XIRP2: variants seen among roughly 807,000 people sequenced by gnomAD.
The protein encoded by XIRP2 is xin actin binding repeat containing 2.
XIRP2 carries 236 observed loss-of-function variants against 277.0 expected under a neutral mutation model. The observed-to-expected ratio is 0.85, with a 90% confidence interval of 0.77 to 0.95. The LOEUF (loss-of-function observed/expected upper bound fraction) is 0.95. XIRP2 is among the 40% of genes least tolerant of loss of function. The probability of loss-of-function intolerance (pLI) is 0.00; values close to 1 mark genes in which losing one functional copy is unlikely to be tolerated. For missense variants in XIRP2, 4,640 were observed against 4,157.5 expected (o/e 1.12, Z -3.19); for synonymous variants, 1,490 against 1,416.5 (o/e 1.05, Z -1.17).
chr2:167,137,232 G>A lies in XIRP2; in HGVS notation c.562+1170G>A, dbSNP rs73015963. On this transcript the variant is annotated intron_variant, in intron 3 of 10. Transcript: ENST00000409195. ...AGGGGAGTTTGCTAATGATGGACTGGGCATGGATTTCTAAATACATGTAAA... is the reference window on the plus strand; with the variant it reads ...AGGGGAGTTTGCTAATGATGGACTGAGCATGGATTTCTAAATACATGTAAA... 4.1e-3 allele frequency among the ~76,000 whole-genome samples: 629 copies of A among 152,146 alleles called. 5 individuals carry two copies. Among genetic ancestry groups the A allele is most frequent in the African/African-American group, 0.015 (612 of 41,514 alleles).
At chr2:167,237,332 T>C (rs964838401) in intron 5 of XIRP2, among the ~76,000 whole-genome samples, 4 of 152,188 alleles carry the variant, frequency 2.6e-5, no homozygotes, top group Non-Finnish European at 5.9e-5. Flanking sequence ...ATATTTTGCA[T>C]TTTTCTCAAC....
chr2:166,951,102 C>T (rs180711563), intron 2 of XIRP2, among the ~76,000 whole-genome samples: 2 of 152,008 alleles, frequency 1.3e-5, no homozygotes, highest in Admixed American at 1.3e-4. Flanking sequence ...TGGAAGGTAA[C>T]CAAGAATTGC....
In XIRP2 at chr2:167,251,828, A is replaced by T. The variant is rs201983151; in HGVS notation, c.10436A>T (p.Asn3479Ile). Reference sequence around the variant, plus strand: ...GATTCACCTAAAGAAGTAAGAAAAAATTTTCAAAAGACGTGGCAAGAGAGT... The same window carrying T: ...GATTCACCTAAAGAAGTAAGAAAAATTTTTCAAAAGACGTGGCAAGAGAGT... ...ISDSPKEVRK[N>I]FQKTWQESGR... Residue 3479 changes from asparagine to isoleucine, a missense_variant, in exon 9 of 11, where the codon AAT becomes ATT. Physicochemically the swap from Asn to Ile is moderately radical, Grantham distance 149. Coordinates refer to ENST00000409195, the MANE Select transcript of XIRP2 (RefSeq NM_152381.6). 1.2e-6 allele frequency: 2 copies of T among 1,613,172 alleles called. No individual in the cohort carries two copies. The highest frequency in any genetic ancestry group is 2.2e-5 in the East Asian group (1 of 44,846).
At chr2:166,995,413 G>A (rs532322377) in intron 2 of XIRP2, among the ~76,000 whole-genome samples, 40 of 152,264 alleles carry the variant, frequency 2.6e-4, no homozygotes, top group Middle Eastern at 3.4e-3. Context: ...AAGGTTCCAC[G>A]GAGAATTCTT....
At chr2:167,067,579 T>C (rs1374325489) in intron 2 of XIRP2, among the ~76,000 whole-genome samples, 1 of 152,208 alleles carries the variant, frequency 6.6e-6, no homozygotes, top group Non-Finnish European at 1.5e-5. Context: ...CACCATACTG[T>C]CAGCTATTTT....
In XIRP2 at chr2:167,010,390, C is replaced by T. The variant is rs1314045021; in HGVS notation, c.408+106500C>T. On this transcript the variant is annotated intron_variant, in intron 2 of 10. Coordinates refer to ENST00000409195, the MANE Select transcript of XIRP2 (RefSeq NM_152381.6). ...AGATCAGATAGTTGTAGATATGTGG[C>T]GTTATTTCTGAGGGCTCTGTTCTGT... Among the ~76,000 whole-genome samples the T allele has an allele frequency of 1.7e-4, 26 of 151,430 alleles. No homozygotes were observed. In the East Asian group the frequency reaches 3.1e-3, roughly 18 times the overall value.
intron 2 of XIRP2, among the ~76,000 whole-genome samples, chr2:167,098,964 G>C (rs957912624): frequency 6.6e-6 from 1 of 152,164 alleles, no homozygotes; most frequent in Admixed American, 6.5e-5. Context: ...GAGCTCTCCT[G>C]TATGAGGTGT....
intron 5 of XIRP2, among the ~76,000 whole-genome samples, chr2:167,223,732 C>T (rs752976215): frequency 1.3e-5 from 2 of 152,168 alleles, no homozygotes; most frequent in Non-Finnish European, 2.9e-5. Context: ...CCCAACCTAA[C>T]CTAGATCTCT....
intron 2 of XIRP2, among the ~76,000 whole-genome samples, chr2:167,018,941 C>G (rs189325884): frequency 6.6e-6 from 1 of 151,908 alleles, no homozygotes; most frequent in Non-Finnish European, 1.5e-5. Flanking sequence ...ACCTGGAAGG[C>G]AGGGATTTTT....
intron 2 of XIRP2, among the ~76,000 whole-genome samples, chr2:167,005,302 A>G (rs1687477761): frequency 6.6e-6 from 1 of 151,900 alleles, no homozygotes; most frequent in Admixed American, 6.6e-5. Context: ...ATATTAGCCT[A>G]GGACATCTTT....
At chr2:166,970,429 C>T (rs1686549295) in intron 2 of XIRP2, among the ~76,000 whole-genome samples, 1 of 151,650 alleles carries the variant, frequency 6.6e-6, no homozygotes. Flanking sequence ...TTTGCTTTTC[C>T]CAGTTGAATG....
chr2:167,072,636 T>A (rs910577901), intron 2 of XIRP2, among the ~76,000 whole-genome samples: 6 of 152,176 alleles, frequency 3.9e-5, no homozygotes, highest in African/African-American at 7.2e-5. Flanking sequence ...ATTTGAACTC[T>A]ATGTTCTCTC....
chr2:167,050,732 A>G (rs538754503), intron 2 of XIRP2, among the ~76,000 whole-genome samples: 1 of 152,146 alleles, frequency 6.6e-6, no homozygotes, highest in East Asian at 1.9e-4. Flanking sequence ...AGAGGAGGAA[A>G]CAGAAAATGG....
At chr2:166,979,369 C>CTT (rs66909002) in intron 2 of XIRP2, among the ~76,000 whole-genome samples, 287 of 108,516 alleles carry the variant, frequency 2.6e-3, no homozygotes, top group African/African-American at 9.0e-3. Flanking sequence ...CTTTTCTTTT[C>CTT]TTTTTTTTTT....
chr2:167,174,959 T>A (rs1196005141), intron 3 of XIRP2, among the ~76,000 whole-genome samples: 1 of 152,196 alleles, frequency 6.6e-6, no homozygotes, highest in African/African-American at 2.4e-5. Flanking sequence ...CTGTTTGTTA[T>A]GATTTCCATT....
At chr2:166,939,704 AAC>A (rs1479717679) in intron 2 of XIRP2, among the ~76,000 whole-genome samples, 3 of 150,254 alleles carry the variant, frequency 2.0e-5, no homozygotes, top group East Asian at 1.9e-4. Context: ...AAAAACAAAA[AAC>A]AAAAACAAAA....
chr2:167,240,003 C>G lies in XIRP2; in HGVS notation c.969+38C>G, dbSNP rs762048225. The G allele has an allele frequency of 1.4e-5, 21 of 1,525,894 alleles. No individual in the cohort carries two copies. In the South Asian group the frequency reaches 2.1e-4, roughly 16 times the overall value. The allele number at this position is 1,525,894 out of a possible 1,614,324, so 94.5% of individuals were successfully genotyped here. The stretch of plus-strand genomic sequence containing the variant: ...AAAGGCAGTACTTTCAAACAGTTTC[C>G]AGGACTGTATGGAAATTATGACTTT... On this transcript the variant is annotated intron_variant, in intron 6 of 10. Coordinates refer to ENST00000409195, the MANE Select transcript of XIRP2 (RefSeq NM_152381.6).
rs1695766565 is a variant in XIRP2 at position 167,259,176 on chromosome 2, G to T, written c.*1359G>T. ...CCATGCTTGGATTTAAGGGAATTTG[G>T]AAAGGATGTTAAACCTTGGCATGTT... is the stretch of plus-strand genomic sequence containing the variant. On this transcript the variant is annotated 3_prime_UTR_variant, in exon 11 of 11. Transcript: ENST00000409195. 6.2e-6 allele frequency: 10 copies of T among 1,613,344 alleles called. No individual in the cohort carries two copies. The East Asian group carries it at 2.2e-4, about 36-fold the overall frequency.
chr2:167,072,808 A>C (rs1303715946), intron 2 of XIRP2, among the ~76,000 whole-genome samples: 3 of 152,182 alleles, frequency 2.0e-5, no homozygotes. Context: ...CTGATAGGAA[A>C]CATTTGCAGG....
Sources: allele counts gnomAD v4.1 joint callset (sites outside exome capture counted in the v4.1 genomes callset), GRCh38; gene constraint gnomAD v4.1.1; transcripts MANE v1.5; gene names NCBI Gene and HGNC (gene_info 2026-07-23, HGNC 2026-07-21).